Variants in DNER observed in about 807,000 individuals in gnomAD.
DNER encodes delta and Notch-like epidermal growth factor-related receptor.
Under a neutral mutation model 78.2 loss-of-function variants are expected in DNER, and 33 were observed. That is an observed-to-expected ratio of 0.42 (90% CI 0.32 to 0.56). The LOEUF (loss-of-function observed/expected upper bound fraction) is 0.56, where lower values mean the gene tolerates loss of function less well. Ranked by LOEUF, DNER falls within the 20% of genes least tolerant of loss-of-function variation. The probability of loss-of-function intolerance (pLI) is 0.11; values close to 1 mark genes in which losing one functional copy is unlikely to be tolerated. For synonymous variants in DNER, 417 were observed against 384.8 expected, an observed-to-expected ratio of 1.08 and a Z score of -0.98; for missense variants, 918 against 975.3, an observed-to-expected ratio of 0.94 and a Z score of 0.78.
chr2:229,580,306 A>T (rs1490203860), intron 4 of DNER: 1 of 152,228 alleles, frequency 6.6e-6, no homozygotes, highest in Non-Finnish European at 1.5e-5. Context: ...CTTATCAGCC[A>T]TGGGTTGTAC....
chr2:229,394,829 A>G (rs540911291), intron 10 of DNER, among the ~76,000 whole-genome samples: 1 of 152,210 alleles, frequency 6.6e-6, no homozygotes, highest in African/African-American at 2.4e-5. Flanking sequence ...TCTATTGTCA[A>G]ACATACATCT....
intron 9 of DNER, among the ~76,000 whole-genome samples, chr2:229,414,920 C>T (rs574046505): frequency 5.7e-4 from 87 of 152,148 alleles, no homozygotes; most frequent in Middle Eastern, 3.4e-3. Context: ...CCCAGCACTT[C>T]GGGAGGCCAA....
chr2:229,573,667 C>G (rs537331004), intron 4 of DNER, among the ~76,000 whole-genome samples: 15 of 152,176 alleles, frequency 9.9e-5, no homozygotes, highest in African/African-American at 3.6e-4. Flanking sequence ...GCAAAAGGAT[C>G]ACAGAGAAGG....
chr2:229,606,666 G>A (rs1192619056), intron 1 of DNER, among the ~76,000 whole-genome samples: 1 of 152,062 alleles, frequency 6.6e-6, no homozygotes, highest in East Asian at 1.9e-4. Context: ...GCCAAGGCAG[G>A]AGGATCACTG....
intron 4 of DNER, among the ~76,000 whole-genome samples, chr2:229,577,461 C>T (rs775540441): frequency 1.1e-4 from 17 of 152,114 alleles, no homozygotes; most frequent in African/African-American, 2.9e-4. Flanking sequence ...GAGGTCAGGA[C>T]GCCATCTCTA....
At chr2:229,584,712 C>T (rs993025292) in intron 4 of DNER, among the ~76,000 whole-genome samples, 2 of 151,854 alleles carry the variant, frequency 1.3e-5, no homozygotes, top group Non-Finnish European at 2.9e-5. Context: ...GGGTGGATCA[C>T]GAGGTCAGGA....
chr2:229,496,065 A>G (rs1695494403), intron 6 of DNER, among the ~76,000 whole-genome samples: 1 of 152,166 alleles, frequency 6.6e-6, no homozygotes, highest in Non-Finnish European at 1.5e-5. Flanking sequence ...AGTCTTTTAA[A>G]GAGACCTCAA....
At chr2:229,503,183 G>T (rs2154212017) in intron 6 of DNER, among the ~76,000 whole-genome samples, 1 of 152,296 alleles carries the variant, frequency 6.6e-6, no homozygotes, top group South Asian at 2.1e-4. Flanking sequence ...CCTAATGGGG[G>T]TAGGTTATGC....
chr2:229,682,480 GA>G (rs1419888816), intron 1 of DNER, among the ~76,000 whole-genome samples: 1 of 152,112 alleles, frequency 6.6e-6, no homozygotes, highest in Admixed American at 6.6e-5. Flanking sequence ...TCTTCTTACT[GA>G]TATAATCAGC....
intron 7 of DNER, among the ~76,000 whole-genome samples, chr2:229,476,577 C>T (rs1348482364): frequency 6.6e-6 from 1 of 152,032 alleles, no homozygotes; most frequent in African/African-American, 2.4e-5. Context: ...CCATAACATC[C>T]CTGCAAGCAG....
At chr2:229,573,944 T>C (rs564679264) in intron 4 of DNER, among the ~76,000 whole-genome samples, 1 of 152,330 alleles carries the variant, frequency 6.6e-6, no homozygotes, top group East Asian at 1.9e-4. Context: ...TTAAATATCT[T>C]CTGCTTAAGG....
At chr2:229,422,688 G>A (rs1693792542) in intron 8 of DNER, among the ~76,000 whole-genome samples, 1 of 152,162 alleles carries the variant, frequency 6.6e-6, no homozygotes, top group South Asian at 2.1e-4. Flanking sequence ...TTGGAAGTAT[G>A]CGTGTAAATG....
At chr2:229,656,386 C>T (rs528270571) in intron 1 of DNER, among the ~76,000 whole-genome samples, 1 of 152,198 alleles carries the variant, frequency 6.6e-6, no homozygotes, top group African/African-American at 2.4e-5. Context: ...AAAAACAGTC[C>T]CTACCTCATA....
intron 11 of DNER, among the ~76,000 whole-genome samples, chr2:229,376,759 G>A (rs1692611773): frequency 6.6e-6 from 1 of 152,198 alleles, no homozygotes; most frequent in Non-Finnish European, 1.5e-5. Flanking sequence ...GATGCATCTA[G>A]AAGAATATGC....
At chr2:229,635,663 T>C (rs1417005598) in intron 1 of DNER, among the ~76,000 whole-genome samples, 1 of 152,218 alleles carries the variant, frequency 6.6e-6, no homozygotes, top group African/African-American at 2.4e-5. Flanking sequence ...CAACTGTCAG[T>C]TCAGAAGGAG....
At chr2:229,649,473 T>A (rs1698773983) in intron 1 of DNER, among the ~76,000 whole-genome samples, 1 of 152,188 alleles carries the variant, frequency 6.6e-6, no homozygotes, top group African/African-American at 2.4e-5. Context: ...AAATCCTGAT[T>A]TATAGGGTTT....
At chr2:229,604,487 A>C (rs918481432) in intron 1 of DNER, among the ~76,000 whole-genome samples, 1 of 152,098 alleles carries the variant, frequency 6.6e-6, no homozygotes, top group Non-Finnish European at 1.5e-5. Context: ...AGTTGGAGAG[A>C]GAAATCTATG....
chr2:229,676,103 G>C (rs145301332), intron 1 of DNER, among the ~76,000 whole-genome samples: 276 of 152,340 alleles, frequency 1.8e-3, no homozygotes, highest in African/African-American at 6.4e-3. Flanking sequence ...CTGTCGACAA[G>C]TGTGCATGTC....
At chr2:229,402,255 G>A (rs1242216724) in intron 10 of DNER, among the ~76,000 whole-genome samples, 1 of 152,090 alleles carries the variant, frequency 6.6e-6, no homozygotes, top group Non-Finnish European at 1.5e-5. Context: ...CAAAGAACTT[G>A]TATCCAGAAT....
Sources: gnomAD v4.1 joint callset for allele counts (sites outside exome capture counted in the v4.1 genomes callset) on GRCh38, gnomAD v4.1.1 for gene constraint, MANE v1.5 for transcripts, NCBI Gene and HGNC (gene_info 2026-07-23, HGNC 2026-07-21) for gene names.